The following VTA1 variants were observed in gnomAD, a reference collection of about 807,000 sequenced individuals.
VTA1 encodes the protein vacuolar protein sorting-associated protein VTA1 homolog.
In VTA1, 24 loss-of-function variants were observed where a neutral mutation model predicts 36.9. The ratio of observed to expected loss-of-function variants is 0.65; its 90% CI spans 0.47 to 0.91. The LOEUF is 0.91. VTA1 is among the 40% of genes least tolerant of loss of function. The pLI, the probability that VTA1 is intolerant of heterozygous loss-of-function variation, is 0.00. For synonymous variants in VTA1, 142 were observed against 130.2 expected (o/e 1.09, Z -0.62); for missense variants, 393 against 377.2 (o/e 1.04, Z -0.35).
At chr6:142,198,159 G>GTA (rs1775603448) in intron 5 of VTA1, among the ~76,000 whole-genome samples, 1 of 115,098 alleles carries the variant, frequency 8.7e-6, no homozygotes, top group Non-Finnish European at 2.1e-5. Flanking sequence ...GTGTGTGTGT[G>GTA]TGTGTATATG....
chr6:142,179,765 A>C (rs1775192537), intron 4 of VTA1, among the ~76,000 whole-genome samples: 1 of 152,214 alleles, frequency 6.6e-6, no homozygotes. Flanking sequence ...ATCTCAAAGT[A>C]TGTTCGTTTT....
At chr6:142,154,536 A>G (rs1052741551) in intron 1 of VTA1, among the ~76,000 whole-genome samples, 14 of 152,100 alleles carry the variant, frequency 9.2e-5, no homozygotes, top group African/African-American at 3.4e-4. Flanking sequence ...TTTTATAAGA[A>G]GCTGTCAAAC....
At chr6:142,151,179 C>T (rs913947866) in intron 1 of VTA1, among the ~76,000 whole-genome samples, 2 of 152,070 alleles carry the variant, frequency 1.3e-5, no homozygotes, top group African/African-American at 4.8e-5. Flanking sequence ...AGTTTGGGGC[C>T]AAGGTCATGA....
chr6:142,204,224 G>A (rs1400227725), intron 7 of VTA1, among the ~76,000 whole-genome samples, 159 bp downstream of exon 7: 1 of 152,086 alleles, frequency 6.6e-6, no homozygotes, highest in East Asian at 1.9e-4. Context: ...ATGTTCACTA[G>A]ATTCTCAAAT....
chr6:142,164,122 TAAAA>T (rs1053852967), intron 1 of VTA1, among the ~76,000 whole-genome samples: 2 of 152,054 alleles, frequency 1.3e-5, no homozygotes, highest in African/African-American at 4.8e-5. Context: ...AGCATCCTCT[TAAAA>T]ATAAGAGAAA....
chr6:142,199,686 A>C (rs1259005075), intron 6 of VTA1, among the ~76,000 whole-genome samples: 2 of 152,096 alleles, frequency 1.3e-5, no homozygotes, highest in East Asian at 3.8e-4. Flanking sequence ...TAAAACTTAC[A>C]AGTTTATATT....
chr6:142,172,007 G>T (rs1775036829), intron 4 of VTA1, among the ~76,000 whole-genome samples: 2 of 152,150 alleles, frequency 1.3e-5, no homozygotes, highest in Admixed American at 1.3e-4. Context: ...TGTGACAAAT[G>T]AAGGACTTTT....
At chr6:142,147,808 A>G (rs1778483516) in intron 1 of VTA1, among the ~76,000 whole-genome samples, 2 of 152,258 alleles carry the variant, frequency 1.3e-5, no homozygotes, top group Admixed American at 6.5e-5. Context: ...AGTTGAAAAC[A>G]TAGTAATAAG....
At chr6:142,166,123 A>G in intron 1 of VTA1, 105 bp from the exon 2 acceptor site, 2 of 725,342 alleles carry the variant, frequency 2.8e-6, no homozygotes, top group Middle Eastern at 4.3e-4. Context: ...TTATTTCTAA[A>G]TTTACTTGAA....
intron 4 of VTA1, among the ~76,000 whole-genome samples, chr6:142,188,234 T>TC (rs1775384726): frequency 9.8e-6 from 1 of 101,986 alleles, no homozygotes; most frequent in Non-Finnish European, 2.0e-5. Context: ...TCTTTTTTTT[T>TC]TTTTTTTTTT....
At chr6:142,168,749 T>C (rs1180265811) in intron 2 of VTA1, among the ~76,000 whole-genome samples, 1 of 135,064 alleles carries the variant, frequency 7.4e-6, no homozygotes. Context: ...TCATTATTAT[T>C]ATTATTATTA....
At chr6:142,212,379 C>T (rs893070259) in intron 7 of VTA1, among the ~76,000 whole-genome samples, 3 of 152,100 alleles carry the variant, frequency 2.0e-5, no homozygotes, top group African/African-American at 7.2e-5. Context: ...ATGGAGGAAA[C>T]TTAAATGCAT....
intron 4 of VTA1, among the ~76,000 whole-genome samples, chr6:142,172,463 G>A (rs558532162): frequency 6.6e-6 from 1 of 152,150 alleles, no homozygotes; most frequent in Non-Finnish European, 1.5e-5. Context: ...AGGGTATGGG[G>A]CAATGCCCAT....
chr6:142,162,088 T>C (rs1240797672), intron 1 of VTA1, among the ~76,000 whole-genome samples: 1 of 152,222 alleles, frequency 6.6e-6, no homozygotes, highest in Non-Finnish European at 1.5e-5. Context: ...GCCAGGCTAA[T>C]TAAACTATAT....
chr6:142,189,697 A>G (rs1582893678), intron 5 of VTA1, among the ~76,000 whole-genome samples, 163 bp downstream of exon 5: 2 of 152,288 alleles, frequency 1.3e-5, no homozygotes, highest in East Asian at 3.9e-4. Flanking sequence ...TGAGAAATAG[A>G]AATAAAGGTC....
chr6:142,209,537 A>G (rs1775859141), intron 7 of VTA1, among the ~76,000 whole-genome samples: 1 of 151,096 alleles, frequency 6.6e-6, no homozygotes, highest in African/African-American at 2.4e-5. Flanking sequence ...CATTGTATAT[A>G]TACACTATGT....
At chr6:142,158,110 G>A (rs1483155127) in intron 1 of VTA1, among the ~76,000 whole-genome samples, 1 of 150,166 alleles carries the variant, frequency 6.7e-6, no homozygotes, top group Non-Finnish European at 1.5e-5. Context: ...CTATCAGTAT[G>A]GAAAGTTTAT....
chr6:142,151,765 G>T (rs530123978), intron 1 of VTA1, among the ~76,000 whole-genome samples: 121 of 152,344 alleles, frequency 7.9e-4, no homozygotes, highest in African/African-American at 2.8e-3. Flanking sequence ...CGAGCACGGT[G>T]GCTCATGCCT....
chr6:142,149,997 T>C (rs369539063), intron 1 of VTA1, among the ~76,000 whole-genome samples: 1 of 152,308 alleles, frequency 6.6e-6, no homozygotes. Context: ...TTCTGTGTAA[T>C]TTCTTGAGGT....
Sources: allele counts gnomAD v4.1 joint callset (sites outside exome capture counted in the v4.1 genomes callset), GRCh38; gene constraint gnomAD v4.1.1; transcripts MANE v1.5; gene names NCBI Gene and HGNC (gene_info 2026-07-23, HGNC 2026-07-21).